The following EFCAB6 variants were observed in gnomAD, a reference collection of about 807,000 sequenced individuals.
The protein encoded by EFCAB6 is EF-hand calcium binding domain 6, also known as EF-hand calcium-binding domain-containing protein 6.
EFCAB6 carries 156 observed loss-of-function variants against 169.8 expected under a neutral mutation model. That is an observed-to-expected ratio of 0.92 (90% CI 0.81 to 1.05). The LOEUF (loss-of-function observed/expected upper bound fraction) is 1.05, where lower values mean the gene tolerates loss of function less well. Ranked by LOEUF, EFCAB6 falls within the 50% of genes least tolerant of loss-of-function variation. EFCAB6 has a pLI of 0.00. For missense variants in EFCAB6, 1,800 were observed against 1,829.1 expected (o/e 0.98, Z 0.29); for synonymous variants, 698 against 676.4 (o/e 1.03, Z -0.50).
intron 10 of EFCAB6, among the ~76,000 whole-genome samples, chr22:43,703,521 G>A (rs903678636): frequency 6.6e-6 from 1 of 151,984 alleles, no homozygotes; most frequent in African/African-American, 2.4e-5. Context: ...AAAGGAAGAT[G>A]TATTAAATGA....
At chr22:43,635,322 T>C in intron 17 of EFCAB6, 106 bp from the exon 18 acceptor site, 1 of 844,800 alleles carries the variant, frequency 1.2e-6, no homozygotes, top group Non-Finnish European at 2.0e-6. Context: ...GGCTCATGAT[T>C]GTTATTTGTC....
At position 43,534,621 on chromosome 22, in the gene EFCAB6, G is replaced by GA. The variant is rs549306256; in HGVS notation, c.4233+66dup. 1,092 of 1,453,154 alleles carry GA rather than the reference G, an allele frequency of 7.5e-4. 1 individual carries two copies. Among genetic ancestry groups the GA allele is most frequent in the Admixed American group, 1.5e-3 (63 of 42,212 alleles). The allele number at this position is 1,453,154 out of a possible 1,614,324, so 90.0% of individuals were successfully genotyped here. On this transcript the variant is annotated intron_variant, in intron 30 of 31. Transcript: ENST00000262726. ...GGGCAATAGAGTAAGACCCTGTCTT[G>GA]AAAAAAATAAAAATGAAAGCGCCCC...
chr22:43,586,340 ATTTTTTTTTTTT>A (rs36058832), intron 24 of EFCAB6, among the ~76,000 whole-genome samples: 2 of 72,922 alleles, frequency 2.7e-5, no homozygotes, highest in Admixed American at 1.9e-4. Flanking sequence ...GCAACAACTG[ATTTTTTTTTTTT>A]TTTTTTTTTT....
At chr22:43,801,960 C>T (rs1402328366) in intron 2 of EFCAB6, among the ~76,000 whole-genome samples, 5 of 152,076 alleles carry the variant, frequency 3.3e-5, no homozygotes, top group African/African-American at 9.7e-5. Context: ...CAATATGCTG[C>T]CTATAAGAAA....
At chr22:43,560,382 T>C (rs1427699130) in intron 26 of EFCAB6, among the ~76,000 whole-genome samples, 3 of 152,324 alleles carry the variant, frequency 2.0e-5, no homozygotes, top group Non-Finnish European at 2.9e-5. Context: ...GGTTCAGAAA[T>C]ACACAAATAT....
intron 23 of EFCAB6, among the ~76,000 whole-genome samples, chr22:43,592,835 C>T (rs571919221): frequency 1.3e-5 from 2 of 152,298 alleles, no homozygotes; most frequent in East Asian, 3.9e-4. Context: ...TGTTGCTATT[C>T]TGATTCTGAG....
chr22:43,556,149 CTG>C (rs1249965685), intron 26 of EFCAB6, among the ~76,000 whole-genome samples: 2 of 152,090 alleles, frequency 1.3e-5, no homozygotes, highest in African/African-American at 4.8e-5. Context: ...GCTTGGGAAA[CTG>C]GGGCCCAGGG....
intron 17 of EFCAB6, among the ~76,000 whole-genome samples, chr22:43,652,818 GA>G (rs61363072): frequency 0.42 from 61,330 of 147,122 alleles, 13,066 homozygotes; most frequent in East Asian, 0.76. Flanking sequence ...GGAAATACCA[GA>G]AAAAAAAAAG....
intron 12 of EFCAB6, among the ~76,000 whole-genome samples, chr22:43,679,124 G>A (rs1291328597): frequency 6.6e-6 from 1 of 152,168 alleles, no homozygotes; most frequent in African/African-American, 2.4e-5. Context: ...AGCACCCCCA[G>A]AAGAAATCTC....
chr22:43,656,467 T>G (rs2056748974), intron 17 of EFCAB6, among the ~76,000 whole-genome samples: 1 of 152,032 alleles, frequency 6.6e-6, no homozygotes. Context: ...ATTAATAAAA[T>G]GAACCCAATT....
At chr22:43,758,026 G>A (rs913967623) in intron 5 of EFCAB6, among the ~76,000 whole-genome samples, 1 of 152,100 alleles carries the variant, frequency 6.6e-6, no homozygotes, top group African/African-American at 2.4e-5. Context: ...CTTTTAAGTG[G>A]ACTACATGAT....
At chr22:43,811,495 G>A (rs1603400098) in intron 1 of EFCAB6, among the ~76,000 whole-genome samples, 1 of 152,198 alleles carries the variant, frequency 6.6e-6, no homozygotes, top group African/African-American at 2.4e-5. Flanking sequence ...GGAGTAGAGA[G>A]AGGGGTGATT....
At chr22:43,662,159 AAATAAT>A (rs55680208) in intron 17 of EFCAB6, among the ~76,000 whole-genome samples, 6,799 of 137,070 alleles carry the variant, frequency 0.05, 437 homozygotes, top group African/African-American at 0.15. Flanking sequence ...CTCCATTTCA[AAATAAT>A]AATAATAATA....
At chr22:43,611,901 C>G (rs1417956963) in intron 21 of EFCAB6, among the ~76,000 whole-genome samples, 1 of 152,116 alleles carries the variant, frequency 6.6e-6, no homozygotes, top group Admixed American at 6.6e-5. Context: ...TCAAGTTACC[C>G]AATTAAAGTA....
Position 43,744,466 on chromosome 22 carries a change from C to A in EFCAB6, c.508-8473G>T, listed in dbSNP as rs919386826. The stretch of plus-strand genomic sequence containing the variant: ...AAGCAGCAGATGAAAGCAGCCTGAA[C>A]ACCTATTTTGGTATGGACGGGACTT... On this transcript the variant is annotated intron_variant, in intron 6 of 31. Coordinates refer to ENST00000262726, the MANE Select transcript of EFCAB6 (RefSeq NM_022785.4). The surrounding 1 kb of genome is among the most constrained non-coding windows in gnomAD (Gnocchi z 4.3). Among the ~76,000 whole-genome samples the A allele has an allele frequency of 6.6e-6, 1 of 152,144 alleles. No homozygotes were observed. Among genetic ancestry groups the A allele is most frequent in the Admixed American group, 6.5e-5 (1 of 15,274 alleles).
intron 9 of EFCAB6, 140 bp downstream of exon 9, chr22:43,716,708 G>T: frequency 1.1e-6 from 1 of 951,144 alleles, no homozygotes; most frequent in South Asian, 2.9e-5. Context: ...TTGGGAGGTA[G>T]AGGGGGTCTC....
At chr22:43,797,671 C>G (rs1436254582) in intron 2 of EFCAB6, among the ~76,000 whole-genome samples, 1 of 151,944 alleles carries the variant, frequency 6.6e-6, no homozygotes, top group African/African-American at 2.4e-5. Flanking sequence ...TCACAACAAC[C>G]AGCATAATCA....
chr22:43,734,320 T>C (rs983205849), intron 7 of EFCAB6, among the ~76,000 whole-genome samples: 1 of 152,194 alleles, frequency 6.6e-6, no homozygotes, highest in East Asian at 1.9e-4. Flanking sequence ...GAAGAAATGG[T>C]CTACTTTTGA....
intron 10 of EFCAB6, among the ~76,000 whole-genome samples, chr22:43,700,518 G>C (rs555259130): frequency 8.5e-5 from 13 of 152,064 alleles, no homozygotes; most frequent in Non-Finnish European, 1.6e-4. Context: ...TTTTCTCTTG[G>C]TGTACAGTTG....
Sources: gnomAD v4.1 joint callset for allele counts (sites outside exome capture counted in the v4.1 genomes callset) on GRCh38, gnomAD v4.1.1 for gene constraint, Gnocchi (gnomAD v3.1) non-coding constraint, MANE v1.5 for transcripts, NCBI Gene and HGNC (gene_info 2026-07-23, HGNC 2026-07-21) for gene names.